MOBP: variants seen among roughly 807,000 people sequenced by gnomAD.
MOBP encodes the protein myelin-associated oligodendrocyte basic protein.
In MOBP, 5 loss-of-function variants were observed where a neutral mutation model predicts 15.0. The observed-to-expected ratio is 0.33, with a 90% CI of 0.17 to 0.70. MOBP has a LOEUF of 0.70. Among genes scored for constraint, MOBP ranks in the 30% least tolerant of loss-of-function variants. The pLI is 0.67. For missense variants in MOBP, 188 were observed against 257.8 expected (o/e 0.73, Z 1.85); for synonymous variants, 88 against 99.0 (o/e 0.89, Z 0.66).
intron 1 of MOBP, among the ~76,000 whole-genome samples, chr3:39,469,182 GTGTGTGTGTATATACATATATACA>G (rs745708649): frequency 0.047 from 3,837 of 81,884 alleles, 598 homozygotes; most frequent in Middle Eastern, 0.074. Flanking sequence ...ATATACATGT[GTGTGTGTGTATATACATATATACA>G]TGTGTGTGTA....
At chr3:39,509,677 A>G in intron 4 of MOBP, among the ~76,000 whole-genome samples, 1 of 152,180 alleles carries the variant, frequency 6.6e-6, no homozygotes, top group East Asian at 1.9e-4. Flanking sequence ...TTTTATTCAC[A>G]GTGTTTTGTG....
Position 39,502,319 on chromosome 3 carries a change from G to A in MOBP, c.206+44G>A. 1.2e-6 allele frequency: 2 copies of A among 1,610,950 alleles called. No homozygotes were observed. Among genetic ancestry groups the A allele is most frequent in the South Asian group, 1.1e-5 (1 of 90,774 alleles). ...CCGCGGCACCAGTTGGGCACAGCGC[G>A]TGGTCTCGGCTCCCAGCACGCCCCT... On this transcript the variant is annotated intron_variant, in intron 3 of 3. Transcript: ENST00000684792. The surrounding 1 kb of genome is among the most constrained non-coding windows in gnomAD (Gnocchi z 6.3).
At chr3:39,489,686 T>TCCCG (rs1553617943) in intron 2 of MOBP, among the ~76,000 whole-genome samples, 1 of 150,432 alleles carries the variant, frequency 6.6e-6, no homozygotes, top group African/African-American at 2.5e-5. Context: ...GGTGTATTGT[T>TCCCG]CCCCGCCCAG....
downstream of MOBP, chr3:39,526,276 T>G (rs1296021224): frequency 6.6e-6 from 1 of 152,174 alleles, no homozygotes; most frequent in African/African-American, 2.4e-5. Context: ...ATGCAAAAAG[T>G]TAGATATTAG....
chr3:39,521,834 C>T (rs540859145), intron 3 of MOBP, among the ~76,000 whole-genome samples: 37 of 152,256 alleles, frequency 2.4e-4, no homozygotes, highest in Middle Eastern at 3.4e-3. Context: ...TGTATAATAC[C>T]GTCTTCTCCT....
intron 1 of MOBP, among the ~76,000 whole-genome samples, chr3:39,467,994 C>T (rs1266509630): frequency 6.6e-6 from 1 of 152,004 alleles, no homozygotes; most frequent in Non-Finnish European, 1.5e-5. Context: ...GAGAGAGGCT[C>T]TGAGCCCTTA....
At chr3:39,484,505 G>A (rs566420188) in intron 2 of MOBP, among the ~76,000 whole-genome samples, 3 of 152,262 alleles carry the variant, frequency 2.0e-5, no homozygotes, top group East Asian at 3.9e-4. Flanking sequence ...CAGATAAACG[G>A]AGAGACCAGC....
intron 1 of MOBP, among the ~76,000 whole-genome samples, chr3:39,473,012 G>T (rs2042493346): frequency 6.6e-6 from 1 of 152,194 alleles, no homozygotes; most frequent in East Asian, 1.9e-4. Context: ...GTGGATAGGG[G>T]TTAAGCTGCT....
chr3:39,495,345 A>T (rs11718481), intron 2 of MOBP, among the ~76,000 whole-genome samples: 45,700 of 152,130 alleles, frequency 0.3, 7,362 homozygotes, highest in Non-Finnish European at 0.37. Context: ...AATTAAAATG[A>T]AGATTAAAAA....
chr3:39,468,705 C>CGT (rs1559411342), intron 1 of MOBP, among the ~76,000 whole-genome samples: 1 of 114,608 alleles, frequency 8.7e-6, no homozygotes, highest in Non-Finnish European at 1.8e-5. Flanking sequence ...TACATATATA[C>CGT]ATATGTGTGT....
downstream of MOBP, chr3:39,529,349 A>G (rs1366555587): frequency 1.3e-5 from 2 of 152,206 alleles, no homozygotes; most frequent in African/African-American, 4.8e-5. Context: ...AAGTTTGACC[A>G]TGAATATCTA....
At chr3:39,495,786 AAG>A (rs72116827) in intron 2 of MOBP, among the ~76,000 whole-genome samples, 4,111 of 151,038 alleles carry the variant, frequency 0.027, 204 homozygotes, top group African/African-American at 0.095. Flanking sequence ...AGAGGAAAAA[AAG>A]AAATTATAAG....
downstream of MOBP, among the ~76,000 whole-genome samples, chr3:39,503,482 A>G (rs1023524700): frequency 6.6e-6 from 1 of 151,596 alleles, no homozygotes; most frequent in African/African-American, 2.4e-5. Flanking sequence ...TCAGTGCCCT[A>G]ATGTTTTCAT....
chr3:39,517,950 G>A (rs572608210), downstream of MOBP, among the ~76,000 whole-genome samples: 6 of 152,328 alleles, frequency 3.9e-5, no homozygotes, highest in South Asian at 1.2e-3. Flanking sequence ...CATAAAATAG[G>A]TTTGAGGAGA....
At chr3:39,486,859 T>C (rs2042717650) in intron 2 of MOBP, among the ~76,000 whole-genome samples, 2 of 152,148 alleles carry the variant, frequency 1.3e-5, no homozygotes, top group Non-Finnish European at 2.9e-5. Flanking sequence ...TTGTATATTA[T>C]ATGTGTTGCA....
chr3:39,497,729 T>G (rs1273051587), intron 2 of MOBP, among the ~76,000 whole-genome samples: 1 of 152,274 alleles, frequency 6.6e-6, no homozygotes, highest in Non-Finnish European at 1.5e-5. Context: ...GTTAGTTATT[T>G]GCTTTATTAA....
chr3:39,470,482 T>C (rs144198462), intron 1 of MOBP, among the ~76,000 whole-genome samples: 296 of 152,342 alleles, frequency 1.9e-3, no homozygotes, highest in African/African-American at 6.6e-3. Flanking sequence ...AGCTAGTGAA[T>C]GACAGAGCCT....
chr3:39,496,580 G>C (rs1257358755), intron 2 of MOBP, among the ~76,000 whole-genome samples: 2 of 151,500 alleles, frequency 1.3e-5, no homozygotes. Context: ...TGCAAACTCT[G>C]CCTCCTGGGT....
intron 1 of MOBP, among the ~76,000 whole-genome samples, chr3:39,468,081 T>C (rs79345855): frequency 1.6e-5 from 2 of 127,978 alleles, no homozygotes; most frequent in Non-Finnish European, 3.2e-5. Context: ...CTGCTGCTGC[T>C]TTTTTTTTTT....
Sources: allele counts gnomAD v4.1 joint callset (sites outside exome capture counted in the v4.1 genomes callset), GRCh38; gene constraint gnomAD v4.1.1; non-coding constraint Gnocchi (gnomAD v3.1); transcripts MANE v1.5; gene names NCBI Gene and HGNC (gene_info 2026-07-23, HGNC 2026-07-21).